The following PRKG1 variants were observed in gnomAD, a reference collection of about 807,000 sequenced individuals.
The protein encoded by PRKG1 is protein kinase cGMP-dependent 1.
PRKG1 carries 35 observed loss-of-function variants against 88.1 expected under a neutral mutation model. The observed-to-expected ratio is 0.40, with a 90% confidence interval of 0.30 to 0.53. The LOEUF is 0.53. PRKG1 is among the 20% of genes least tolerant of loss of function. The pLI is 0.59. For missense variants in PRKG1, 540 were observed against 839.8 expected (o/e 0.64, Z 4.41); for synonymous variants, 303 against 292.5 (o/e 1.04, Z -0.37).
intron 3 of PRKG1, among the ~76,000 whole-genome samples, chr10:51,774,786 CAGTTT>C (rs1304781505): frequency 6.6e-6 from 1 of 151,994 alleles, no homozygotes; most frequent in Non-Finnish European, 1.5e-5. Flanking sequence ...AGAAAGAGGT[CAGTTT>C]AAAGTAATAC....
At chr10:51,297,297 C>T (rs1386318402) in intron 2 of PRKG1, among the ~76,000 whole-genome samples, 1 of 152,050 alleles carries the variant, frequency 6.6e-6, no homozygotes, top group Non-Finnish European at 1.5e-5. Flanking sequence ...CATACCACTT[C>T]TAGATGGTGA....
intron 2 of PRKG1, among the ~76,000 whole-genome samples, chr10:51,177,250 G>A (rs1837218878): frequency 1.3e-5 from 2 of 152,114 alleles, no homozygotes; most frequent in South Asian, 4.1e-4. Flanking sequence ...TATAAAGTCT[G>A]CAATACATGT....
At chr10:51,387,771 A>T (rs1271700181) in intron 2 of PRKG1, among the ~76,000 whole-genome samples, 1 of 152,128 alleles carries the variant, frequency 6.6e-6, no homozygotes, top group Non-Finnish European at 1.5e-5. Flanking sequence ...ATTTCTACAC[A>T]TGGAGTCATT....
intron 3 of PRKG1, among the ~76,000 whole-genome samples, chr10:51,522,533 C>A (rs1026341140): frequency 6.6e-6 from 1 of 152,122 alleles, no homozygotes; most frequent in African/African-American, 2.4e-5. Context: ...GTGGCCTTTG[C>A]TACCATCTTT....
intron 2 of PRKG1, among the ~76,000 whole-genome samples, chr10:51,415,910 AGTGTGTGTGTGTGTGTGTGTGT>A (rs71459419): frequency 2.0e-5 from 3 of 147,128 alleles, no homozygotes; most frequent in African/African-American, 2.5e-5. Context: ...TAGAGCTTCC[AGTGTGTGTGTGTGTGTGTGTGT>A]GTGTGTGTGT....
At chr10:51,670,785 T>TAAAA (rs1240654317) in intron 3 of PRKG1, among the ~76,000 whole-genome samples, 2 of 148,340 alleles carry the variant, frequency 1.3e-5, no homozygotes, top group Non-Finnish European at 3.0e-5. Context: ...AATAAATAAA[T>TAAAA]AAAAATGCAA....
chr10:51,973,491 G>C (rs1843757464), intron 5 of PRKG1, among the ~76,000 whole-genome samples: 2 of 152,072 alleles, frequency 1.3e-5, no homozygotes, highest in Non-Finnish European at 2.9e-5. Flanking sequence ...AGTTTCTCTT[G>C]AAGAAACTGC....
At chr10:52,185,516 C>T (rs1219037139) in intron 9 of PRKG1, among the ~76,000 whole-genome samples, 1 of 152,114 alleles carries the variant, frequency 6.6e-6, no homozygotes, top group Non-Finnish European at 1.5e-5. Context: ...TGGCTGTACC[C>T]TTCTGGGATA....
intron 2 of PRKG1, among the ~76,000 whole-genome samples, chr10:51,285,069 C>T (rs1251201931): frequency 1.7e-5 from 2 of 119,154 alleles, no homozygotes; most frequent in Non-Finnish European, 3.5e-5. Context: ...ACCACAGTCC[C>T]CAGAGTGTAT....
At chr10:51,855,222 G>A (rs890883850) in intron 4 of PRKG1, among the ~76,000 whole-genome samples, 1 of 152,100 alleles carries the variant, frequency 6.6e-6, no homozygotes, top group African/African-American at 2.4e-5. Flanking sequence ...CTAAATTAAA[G>A]TATCAGGCAA....
chr10:51,804,411 T>C (rs1839252380), intron 3 of PRKG1, among the ~76,000 whole-genome samples, 174 bp from the exon 4 acceptor site: 2 of 152,090 alleles, frequency 1.3e-5, no homozygotes, highest in South Asian at 2.1e-4. Context: ...TGTAAACATA[T>C]AGGACTTTTT....
intron 8 of PRKG1, among the ~76,000 whole-genome samples, chr10:52,150,180 A>ATTATTATTATTATTATTATTATTATT (rs1554810280): frequency 8.7e-5 from 12 of 137,206 alleles, no homozygotes; most frequent in African/African-American, 3.2e-4. Flanking sequence ...TAATAATAAT[A>ATTATTATTATTATTATTATTATTATT]ATAATTTGAT....
intron 4 of PRKG1, among the ~76,000 whole-genome samples, chr10:51,852,026 G>T (rs1052645466): frequency 1.3e-5 from 2 of 151,828 alleles, no homozygotes; most frequent in South Asian, 2.1e-4. Flanking sequence ...AACCATATCG[G>T]CAGGCTCTTT....
At chr10:52,142,483 T>C (rs975589996) in intron 8 of PRKG1, among the ~76,000 whole-genome samples, 21 of 152,118 alleles carry the variant, frequency 1.4e-4, no homozygotes, top group African/African-American at 4.8e-4. Context: ...TGAACTAAAA[T>C]ATTTTCATTG....
At chr10:51,467,653 A>G (rs1588987634) in intron 2 of PRKG1, 70 bp from the exon 3 acceptor site, 1 of 1,272,250 alleles carries the variant, frequency 7.9e-7, no homozygotes, top group Non-Finnish European at 1.1e-6. Flanking sequence ...ACTCCTCTTC[A>G]CATTAAAAAT....
chr10:51,405,204 C>T (rs981090536), intron 2 of PRKG1, among the ~76,000 whole-genome samples: 5 of 152,178 alleles, frequency 3.3e-5, no homozygotes, highest in African/African-American at 1.2e-4. Flanking sequence ...TGTACAGATG[C>T]TCCTTGACTT....
chr10:52,021,229 G>A (rs1352433447), intron 5 of PRKG1, among the ~76,000 whole-genome samples: 1 of 152,166 alleles, frequency 6.6e-6, no homozygotes, highest in Non-Finnish European at 1.5e-5. Flanking sequence ...AAGGAAGTGT[G>A]GCACTTGAGG....
intron 2 of PRKG1, among the ~76,000 whole-genome samples, chr10:51,452,854 T>G (rs1839475840): frequency 6.6e-6 from 1 of 152,008 alleles, no homozygotes. Flanking sequence ...TGTAATAGTT[T>G]CAGTAAGATT....
chr10:51,077,128 T>C (rs1242624450), intron 1 of PRKG1, among the ~76,000 whole-genome samples: 2 of 152,212 alleles, frequency 1.3e-5, no homozygotes, highest in African/African-American at 2.4e-5. Context: ...ATAAATCTTA[T>C]GTTGTTTGAA....
Sources: allele counts gnomAD v4.1 joint callset (sites outside exome capture counted in the v4.1 genomes callset), GRCh38; gene constraint gnomAD v4.1.1; transcripts MANE v1.5; gene names NCBI Gene and HGNC (gene_info 2026-07-23, HGNC 2026-07-21).